Variants in RAET1E observed in about 807,000 individuals in gnomAD.
RAET1E encodes the protein retinoic acid early transcript 1E.
RAET1E carries 27 observed loss-of-function variants against 21.1 expected under a neutral mutation model. The ratio of observed to expected loss-of-function variants is 1.28; its 90% CI spans 0.94 to 1.76. The LOEUF is 1.76. Among genes scored for constraint, RAET1E ranks in the 40% most tolerant of loss-of-function variants. The probability of loss-of-function intolerance (pLI) is 0.00; values close to 1 mark genes in which losing one functional copy is unlikely to be tolerated. For missense variants in RAET1E, 310 were observed against 311.3 expected, an observed-to-expected ratio of 1.00 and a Z score of 0.03; for synonymous variants, 113 against 115.0, an observed-to-expected ratio of 0.98 and a Z score of 0.11.
rs1050737937 is a variant in RAET1E at position 149,889,092 on chromosome 6, C to T, written c.622+256G>A. 5.7e-6 allele frequency: 8 copies of T among 1,410,770 alleles called. No individual in the cohort carries two copies. In the African/African-American group the frequency reaches 1.2e-4, roughly 20 times the overall value. The allele number at this position is 1,410,770 out of a possible 1,614,324, so 87.4% of individuals were successfully genotyped here. A position where few individuals can be genotyped will look rare whatever the true frequency, so the allele number is the denominator to read the frequency against. On this transcript the variant is annotated intron_variant, in intron 5 of 5. Coordinates refer to ENST00000357183, the MANE Select transcript of RAET1E (RefSeq NM_001394057.1). ...TGCAATGACACAGATAGACTTGGGA[C>T]CATTTAGCAGTGGGTCATTGTGACT... is the stretch of plus-strand genomic sequence containing the variant.
Position 149,890,981 on chromosome 6 carries a change from G to C in RAET1E, c.-80C>G, listed in dbSNP as rs1216975057. 1 of 1,053,798 alleles carries C rather than the reference G, an allele frequency of 9.5e-7. No homozygotes were observed. 65.3% of individuals were successfully genotyped at this position (1,053,798 alleles called of 1,614,324 possible). ...TATGGTGAAGAAATGTTATCCAACAGCGTGGGTGTGGGCACTGCCCAAATT... is the reference window on the plus strand; with the variant it reads ...TATGGTGAAGAAATGTTATCCAACACCGTGGGTGTGGGCACTGCCCAAATT... On this transcript the variant is annotated 5_prime_UTR_variant, in exon 3 of 6. Coordinates refer to ENST00000357183, the MANE Select transcript of RAET1E (RefSeq NM_001394057.1).
chr6:149,884,327 G>T lies in RAET1E; in HGVS notation c.*4171C>A. The T allele has an allele frequency of 3.2e-6, 2 of 628,470 alleles. No homozygotes were observed. The highest frequency in any genetic ancestry group is 5.4e-6 in the Non-Finnish European group (2 of 371,990). The allele number at this position is 628,470 out of a possible 1,614,324, so 38.9% of individuals were successfully genotyped here. ...AAAAAAAATTTTTTTTTTTTGAGAC[G>T]GAGTCTTGCTCTGTTGCCAAGACTG... is the stretch of plus-strand genomic sequence containing the variant. On this transcript the variant is annotated 3_prime_UTR_variant, in exon 6 of 6. Transcript: ENST00000357183.
At chr6:149,889,241 G>T in intron 5 of RAET1E, 107 bp downstream of exon 5, 2 of 1,499,516 alleles carry the variant, frequency 1.3e-6, no homozygotes, top group Non-Finnish European at 8.8e-7. Flanking sequence ...GGAAGCCCAC[G>T]GAGAAGTCAA....
intron 2 of RAET1E, among the ~76,000 whole-genome samples, chr6:149,893,922 A>G (rs1195353216): frequency 6.6e-6 from 1 of 152,180 alleles, no homozygotes. Context: ...GTGGTGTTGA[A>G]TTTTATCAAA....
Position 149,883,494 on chromosome 6 carries a change from C to T in RAET1E, c.*5004G>A, listed in dbSNP as rs530261450. 1 of 151,804 alleles carries T rather than the reference C, an allele frequency of 6.6e-6. No homozygotes were observed. Among genetic ancestry groups the T allele is most frequent in the African/African-American group, 2.4e-5 (1 of 41,310 alleles). The allele number at this position is 151,804 out of a possible 1,614,324, so 9.4% of individuals were successfully genotyped here. On this transcript the variant is annotated 3_prime_UTR_variant, in exon 6 of 6. Coordinates refer to ENST00000357183, the MANE Select transcript of RAET1E (RefSeq NM_001394057.1). ...GGCAGATCACCTGAGGTCCGTAGTT[C>T]GAGACCAGCCTGGCCAACAGGGTGA...
At chr6:149,892,804 G>T (rs1467038783) in intron 2 of RAET1E, among the ~76,000 whole-genome samples, 2 of 152,098 alleles carry the variant, frequency 1.3e-5, no homozygotes, top group African/African-American at 4.8e-5. Flanking sequence ...GAATGGTATT[G>T]CCCGGGTTTT....
In RAET1E at chr6:149,885,557, C is replaced by T. The variant is rs1777572187; in HGVS notation, c.*2941G>A. On this transcript the variant is annotated 3_prime_UTR_variant, in exon 6 of 6. Transcript: ENST00000357183. ...GCCCCTAATCCAGAGGCCAGTTGGCCCCATCTCATACTCTGTTTTGCTCAC... is the reference window on the plus strand; with the variant it reads ...GCCCCTAATCCAGAGGCCAGTTGGCTCCATCTCATACTCTGTTTTGCTCAC... 6.6e-6 allele frequency: 1 copy of T among 152,274 alleles called. No individual in the cohort carries two copies. The highest frequency in any genetic ancestry group is 2.1e-4 in the South Asian group (1 of 4,820). 9.4% of individuals were successfully genotyped at this position (152,274 alleles called of 1,614,324 possible).
chr6:149,895,277 C>T (rs1778070096), intron 2 of RAET1E, among the ~76,000 whole-genome samples: 1 of 152,236 alleles, frequency 6.6e-6, no homozygotes, highest in Admixed American at 6.5e-5. Flanking sequence ...CTTAGCAGAG[C>T]TCGAATGCTG....
At chr6:149,888,692 A>T (rs2342768) in intron 5 of RAET1E, 25 bp from the exon 6 acceptor site, 3 of 1,469,032 alleles carry the variant, frequency 2.0e-6, no homozygotes, top group Non-Finnish European at 1.8e-6. Flanking sequence ...AAAAAGAAAA[A>T]AAAGCACAAG....
At position 149,888,493 on chromosome 6, in the gene RAET1E, C is replaced by G. The variant is rs946213272; in HGVS notation, c.*5G>C. The stretch of plus-strand genomic sequence containing the variant: ...ATGATTCACCTCTCTTGAGTCCTTA[C>G]CAGACTAAGACGTCCTCAAGGGCCA... On this transcript the variant is annotated 3_prime_UTR_variant, in exon 6 of 6. Transcript: ENST00000357183. 1.2e-6 allele frequency: 2 copies of G among 1,612,116 alleles called. No homozygotes were observed. The highest frequency in any genetic ancestry group is 1.1e-5 in the South Asian group (1 of 90,932).
At chr6:149,895,019 G>T (rs918353280) in intron 2 of RAET1E, among the ~76,000 whole-genome samples, 1 of 152,150 alleles carries the variant, frequency 6.6e-6, no homozygotes, top group African/African-American at 2.4e-5. Flanking sequence ...AGGCCCCTCT[G>T]CTGCCAGTCT....
chr6:149,890,218 A>C (rs1777824434), intron 3 of RAET1E, 73 bp from the exon 4 acceptor site: 1 of 1,555,000 alleles, frequency 6.4e-7, no homozygotes, highest in Non-Finnish European at 8.8e-7. Context: ...TCTGTGACCC[A>C]AGACTCCCTG....
rs543568401 is a variant in RAET1E at position 149,884,048 on chromosome 6, T to C, written c.*4450A>G. 3 of 163,426 alleles carry C rather than the reference T, an allele frequency of 1.8e-5. No individual in the cohort carries two copies. In the South Asian group the frequency reaches 5.2e-4, roughly 28 times the overall value. 10.1% of individuals were successfully genotyped at this position (163,426 alleles called of 1,614,324 possible). On this transcript the variant is annotated 3_prime_UTR_variant, in exon 6 of 6. Coordinates refer to ENST00000357183, the MANE Select transcript of RAET1E (RefSeq NM_001394057.1). ...TCCCCCAATTTCCTCTTATTTTCCATTTTTCCTCTCTGTTCTTTGCTTATC... is the reference window on the plus strand; with the variant it reads ...TCCCCCAATTTCCTCTTATTTTCCACTTTTCCTCTCTGTTCTTTGCTTATC...
rs1373412810 is a variant in RAET1E at position 149,884,568 on chromosome 6, G to A, written c.*3930C>T. The stretch of plus-strand genomic sequence containing the variant: ...AGATCAGCTCAGGATTGACCCCTCC[G>A]TGATCTCTCAGGACTCAGATCCCAC... On this transcript the variant is annotated 3_prime_UTR_variant, in exon 6 of 6. Transcript: ENST00000357183. The A allele has an allele frequency of 4.9e-6, 7 of 1,441,748 alleles. No individual in the cohort carries two copies. Among genetic ancestry groups the A allele is most frequent in the Non-Finnish European group, 6.6e-6 (7 of 1,061,832 alleles). 89.3% of individuals were successfully genotyped at this position (1,441,748 alleles called of 1,614,324 possible). A position where few individuals can be genotyped will look rare whatever the true frequency, so the allele number is the denominator to read the frequency against.
At chr6:149,897,319 G>A (rs1038729848) in intron 1 of RAET1E, among the ~76,000 whole-genome samples, 2 of 152,162 alleles carry the variant, frequency 1.3e-5, no homozygotes, top group Non-Finnish European at 2.9e-5. Context: ...ACAGGAGTGA[G>A]CCACCACACC....
intron 1 of RAET1E, among the ~76,000 whole-genome samples, chr6:149,897,480 C>T (rs1778160855): frequency 6.6e-6 from 1 of 152,172 alleles, no homozygotes. Context: ...AATTGGACTG[C>T]AGTTTTCAAT....
At chr6:149,890,688 C>A in intron 3 of RAET1E, 129 bp downstream of exon 3, 1 of 666,504 alleles carries the variant, frequency 1.5e-6, no homozygotes, top group Non-Finnish European at 2.7e-6. Flanking sequence ...CCCAGGGATC[C>A]TCTTCCTCAC....
chr6:149,897,315 G>A (rs1044262374), intron 1 of RAET1E, among the ~76,000 whole-genome samples: 3 of 152,126 alleles, frequency 2.0e-5, no homozygotes, highest in Non-Finnish European at 4.4e-5. Flanking sequence ...GATTACAGGA[G>A]TGAGCCACCA....
At chr6:149,890,570 A>G (rs1350651150) in intron 3 of RAET1E, among the ~76,000 whole-genome samples, 1 of 152,192 alleles carries the variant, frequency 6.6e-6, no homozygotes, top group Non-Finnish European at 1.5e-5. Flanking sequence ...TGTTCAGGAA[A>G]GTGACCTGGA....
Sources: allele counts gnomAD v4.1 joint callset (sites outside exome capture counted in the v4.1 genomes callset), GRCh38; gene constraint gnomAD v4.1.1; transcripts MANE v1.5; gene names NCBI Gene and HGNC (gene_info 2026-07-23, HGNC 2026-07-21).